Variants in FILIP1L observed in about 807,000 individuals in gnomAD.
The protein encoded by FILIP1L is filamin A-interacting protein 1-like.
FILIP1L carries 55 observed loss-of-function variants against 96.6 expected under a neutral mutation model. The ratio of observed to expected loss-of-function variants is 0.57; its 90% CI spans 0.46 to 0.71. The LOEUF (loss-of-function observed/expected upper bound fraction) is 0.71, where lower values mean the gene tolerates loss of function less well. FILIP1L is among the 30% of genes least tolerant of loss of function. FILIP1L has a pLI of 0.00. For missense variants in FILIP1L, 1,304 were observed against 1,321.2 expected (o/e 0.99, Z 0.20); for synonymous variants, 467 against 473.9 (o/e 0.99, Z 0.19).
intron 1 of FILIP1L, among the ~76,000 whole-genome samples, chr3:100,067,183 G>T (rs750357597): frequency 1.3e-5 from 2 of 152,026 alleles, no homozygotes; most frequent in Admixed American, 6.6e-5. Context: ...TTGTTTGTTT[G>T]TTTGTTTGTT....
intron 4 of FILIP1L, among the ~76,000 whole-genome samples, chr3:99,900,976 G>A (rs888271899): frequency 6.6e-6 from 1 of 152,250 alleles, no homozygotes; most frequent in African/African-American, 2.4e-5. Context: ...GAATCCAGGA[G>A]TTGAAACTCA....
chr3:99,971,005 TATTTAAC>T (rs1461519199), intron 1 of FILIP1L, among the ~76,000 whole-genome samples: 1 of 152,170 alleles, frequency 6.6e-6, no homozygotes, highest in African/African-American at 2.4e-5. Flanking sequence ...ATTCACAAGA[TATTTAAC>T]AGCAAGGATT....
chr3:100,077,915 A>G (rs929152849), intron 1 of FILIP1L, among the ~76,000 whole-genome samples: 2 of 152,204 alleles, frequency 1.3e-5, no homozygotes, highest in Non-Finnish European at 2.9e-5. Context: ...CTCAAAAAAA[A>G]TAAGAATAAT....
intron 4 of FILIP1L, among the ~76,000 whole-genome samples, chr3:99,884,035 T>G (rs1705815849): frequency 6.6e-6 from 1 of 152,166 alleles, no homozygotes; most frequent in Admixed American, 6.5e-5. Context: ...TGCTATTTAG[T>G]TCATTGGACT....
At chr3:100,069,385 A>G (rs1161353793) in intron 1 of FILIP1L, among the ~76,000 whole-genome samples, 1 of 152,064 alleles carries the variant, frequency 6.6e-6, no homozygotes, top group Non-Finnish European at 1.5e-5. Flanking sequence ...TGAGCCAGCC[A>G]TTAGCTGCCC....
chr3:100,012,688 A>T (rs1259571300), intron 1 of FILIP1L, among the ~76,000 whole-genome samples: 1 of 151,972 alleles, frequency 6.6e-6, no homozygotes, highest in East Asian at 1.9e-4. Flanking sequence ...CCCAATTATA[A>T]AATCAGTTGA....
intron 1 of FILIP1L, among the ~76,000 whole-genome samples, chr3:99,989,032 A>G (rs1709435999): frequency 6.6e-6 from 1 of 152,082 alleles, no homozygotes; most frequent in Admixed American, 6.5e-5. Flanking sequence ...ATTAGGAATT[A>G]TTTTTCTCAA....
chr3:99,907,592 T>C (rs1706660842), intron 4 of FILIP1L, among the ~76,000 whole-genome samples: 1 of 152,150 alleles, frequency 6.6e-6, no homozygotes, highest in Admixed American at 6.5e-5. Flanking sequence ...AACATAACAT[T>C]GCACCCATAG....
chr3:99,975,533 A>C (rs994912835), intron 1 of FILIP1L, among the ~76,000 whole-genome samples: 1 of 151,974 alleles, frequency 6.6e-6, no homozygotes, highest in Non-Finnish European at 1.5e-5. Context: ...CAGACGTTGC[A>C]GTGAGCCGAG....
intron 1 of FILIP1L, among the ~76,000 whole-genome samples, chr3:100,057,375 TTATA>T (rs1395144984): frequency 6.6e-6 from 1 of 152,200 alleles, no homozygotes; most frequent in African/African-American, 2.4e-5. Context: ...CAAATACTCA[TTATA>T]TCATCAAGGA....
At chr3:100,006,179 C>A (rs971143003) in intron 1 of FILIP1L, among the ~76,000 whole-genome samples, 16 of 152,130 alleles carry the variant, frequency 1.1e-4, no homozygotes, top group Admixed American at 7.2e-4. Flanking sequence ...GGGGCTGGGG[C>A]AGTAAGACAG....
At chr3:99,858,357 T>C (rs2107547498) in intron 4 of FILIP1L, among the ~76,000 whole-genome samples, 1 of 151,990 alleles carries the variant, frequency 6.6e-6, no homozygotes, top group Non-Finnish European at 1.5e-5. Context: ...CCCAGCTACT[T>C]GGGAGGCTGA....
chr3:100,112,350 AT>A (rs2066506151), intron 1 of FILIP1L, among the ~76,000 whole-genome samples: 1 of 152,184 alleles, frequency 6.6e-6, no homozygotes, highest in East Asian at 1.9e-4. Flanking sequence ...GGTTTTTTGC[AT>A]CCTTGGACCT....
chr3:100,038,043 C>T (rs1041680008), intron 1 of FILIP1L, among the ~76,000 whole-genome samples: 3 of 151,546 alleles, frequency 2.0e-5, no homozygotes, highest in African/African-American at 7.3e-5. Context: ...CAACCTCTGC[C>T]TCCTGGGTTC....
intron 4 of FILIP1L, among the ~76,000 whole-genome samples, chr3:99,901,277 A>C (rs1044894304): frequency 6.6e-6 from 1 of 152,222 alleles, no homozygotes; most frequent in Non-Finnish European, 1.5e-5. Context: ...TGCTCCAATG[A>C]GAAGAGTAGT....
chr3:99,950,855 A>AAG (rs1041622251), intron 1 of FILIP1L, among the ~76,000 whole-genome samples: 6 of 150,098 alleles, frequency 4.0e-5, no homozygotes, highest in African/African-American at 1.3e-4. Context: ...AGTAAAAATA[A>AAG]AGAGAGAGAG....
intron 1 of FILIP1L, among the ~76,000 whole-genome samples, chr3:100,075,084 G>A (rs2065828966): frequency 6.6e-6 from 1 of 151,710 alleles, no homozygotes; most frequent in Non-Finnish European, 1.5e-5. Context: ...ATATTTTATT[G>A]GTCTATGTTA....
chr3:100,085,680 G>A (rs2065997718), intron 1 of FILIP1L, among the ~76,000 whole-genome samples: 2 of 152,136 alleles, frequency 1.3e-5, no homozygotes, highest in Admixed American at 1.3e-4. Context: ...CAACTGAAAT[G>A]TTTCTGAAGT....
At chr3:100,033,035 C>T (rs979098521) in intron 1 of FILIP1L, among the ~76,000 whole-genome samples, 2 of 151,550 alleles carry the variant, frequency 1.3e-5, no homozygotes, top group Non-Finnish European at 2.9e-5. Flanking sequence ...TTCCACTCTA[C>T]TGTTACCATT....
Sources: allele counts gnomAD v4.1 joint callset (sites outside exome capture counted in the v4.1 genomes callset), GRCh38; gene constraint gnomAD v4.1.1; transcripts MANE v1.5; gene names NCBI Gene and HGNC (gene_info 2026-07-23, HGNC 2026-07-21).